SLC36A1: variants seen among roughly 807,000 people sequenced by gnomAD.
SLC36A1 encodes the protein solute carrier family 36 member 1, also known as proton-coupled amino acid transporter 1.
A neutral mutation model predicts 47.5 loss-of-function variants in SLC36A1; 30 were observed. That is an observed-to-expected ratio of 0.63 (90% CI 0.47 to 0.86). The LOEUF (loss-of-function observed/expected upper bound fraction) is 0.86. SLC36A1 is among the 40% of genes least tolerant of loss of function. SLC36A1 has a pLI of 0.00. For synonymous variants in SLC36A1, 255 were observed against 249.7 expected, an observed-to-expected ratio of 1.02 and a Z score of -0.20; for missense variants, 517 against 606.0, an observed-to-expected ratio of 0.85 and a Z score of 1.54.
chr5:151,466,758 C>A, intron 5 of SLC36A1, among the ~76,000 whole-genome samples: 1 of 152,202 alleles, frequency 6.6e-6, no homozygotes, highest in South Asian at 2.1e-4. Flanking sequence ...AGAGAGGATG[C>A]TAAGGGGCTG....
chr5:151,398,966 C>G, the SLC36A1 span, among the ~76,000 whole-genome samples: 2 of 151,082 alleles, frequency 1.3e-5, no homozygotes, highest in African/African-American at 2.4e-5. Flanking sequence ...TGCTTTTTGC[C>G]AGTTCCCCAA....
chr5:151,534,606 C>A, the SLC36A1 span: 1 of 1,614,038 alleles, frequency 6.2e-7, no homozygotes, highest in Non-Finnish European at 8.5e-7. Flanking sequence ...CACATCCTTC[C>A]TTTCTCGGTC....
At chr5:151,427,215 T>A in the SLC36A1 span, among the ~76,000 whole-genome samples, 1 of 152,328 alleles carries the variant, frequency 6.6e-6, no homozygotes, top group Admixed American at 6.5e-5. Context: ...CAAGCTGAAA[T>A]GAATAATTGT....
intron 6 of SLC36A1, 39 bp from the exon 7 acceptor site, chr5:151,467,668 T>G: frequency 2.6e-6 from 4 of 1,542,354 alleles, no homozygotes; most frequent in Non-Finnish European, 3.6e-6. Context: ...CTCTGTTGTT[T>G]GAGAGGTGTT....
rs1439602791 is a variant in SLC36A1, at chr5:151,491,478, T to G, written c.*3224T>G. 1.3e-5 allele frequency: 2 copies of G among 151,536 alleles called. No homozygotes were observed. Among genetic ancestry groups the G allele is most frequent in the African/African-American group, 4.9e-5 (2 of 40,646 alleles). 9.4% of individuals were successfully genotyped at this position (151,536 alleles called of 1,614,324 possible). ...TCTTAAAGTGTTGATCTCAAACAAG[T>G]ACATTAGAAAAATCATGTTTCTTCT... On this transcript the variant is annotated 3_prime_UTR_variant, in exon 11 of 11. Transcript: ENST00000243389.
chr5:151,497,086 C>T (rs991301609), downstream of SLC36A1, among the ~76,000 whole-genome samples: 1 of 152,050 alleles, frequency 6.6e-6, no homozygotes, highest in Non-Finnish European at 1.5e-5. Context: ...TTCTTCTTTT[C>T]CAGTGTCTAT....
At chr5:151,436,798 T>C (rs1366201597), upstream of SLC36A1, among the ~76,000 whole-genome samples, 2 of 151,968 alleles carry the variant, frequency 1.3e-5, no homozygotes, top group African/African-American at 4.8e-5. Context: ...ACTCTCAGAG[T>C]TGCAAGATCT....
the SLC36A1 span, among the ~76,000 whole-genome samples, chr5:151,404,603 T>C: frequency 6.6e-6 from 1 of 152,242 alleles, no homozygotes; most frequent in Non-Finnish European, 1.5e-5. Flanking sequence ...GAGGCTGCTC[T>C]AGTGGTAACA....
chr5:151,350,153 G>A, the SLC36A1 span, among the ~76,000 whole-genome samples: 1 of 148,000 alleles, frequency 6.8e-6, no homozygotes. Flanking sequence ...CCCGGCCCCG[G>A]GTACCTCCTC....
In SLC36A1 at chr5:151,489,836, A is replaced by G. The variant is rs971809499; in HGVS notation, c.*1582A>G. 1.3e-5 allele frequency: 2 copies of G among 152,170 alleles called. No homozygotes were observed. Among genetic ancestry groups the G allele is most frequent in the Non-Finnish European group, 2.9e-5 (2 of 68,054 alleles). The allele number at this position is 152,170 out of a possible 1,614,324, so 9.4% of individuals were successfully genotyped here. A position where few individuals can be genotyped will look rare whatever the true frequency, so the allele number is the denominator to read the frequency against. Reference sequence around the variant, plus strand: ...GTGTGTGTGTTCCTGTGTAAGTAACAGACCAGACTCCTTTTCTCTTCTGTC... The same window carrying G: ...GTGTGTGTGTTCCTGTGTAAGTAACGGACCAGACTCCTTTTCTCTTCTGTC... On this transcript the variant is annotated 3_prime_UTR_variant, in exon 11 of 11. Transcript: ENST00000243389. This position sits in a 1 kb window ranked among gnomAD's most constrained non-coding sequence, Gnocchi z 4.5.
At chr5:151,472,613 T>C (rs1757476257) in intron 7 of SLC36A1, among the ~76,000 whole-genome samples, 1 of 152,204 alleles carries the variant, frequency 6.6e-6, no homozygotes, top group Non-Finnish European at 1.5e-5. Context: ...GTTCCAGCAC[T>C]CCTGTTGTGT....
chr5:151,496,903 T>A (rs1018588387), downstream of SLC36A1, among the ~76,000 whole-genome samples: 1 of 152,238 alleles, frequency 6.6e-6, no homozygotes, highest in Non-Finnish European at 1.5e-5. Flanking sequence ...TGGTATTTTT[T>A]ATTCCAGTTT....
intron 1 of SLC36A1, among the ~76,000 whole-genome samples, chr5:151,452,980 C>G (rs529658928): frequency 1.3e-5 from 2 of 150,618 alleles, no homozygotes; most frequent in African/African-American, 4.9e-5. Flanking sequence ...GGTGGGTGGA[C>G]CACCTGAGGT....
chr5:151,407,405 A>G, the SLC36A1 span, among the ~76,000 whole-genome samples: 1 of 151,942 alleles, frequency 6.6e-6, no homozygotes, highest in Non-Finnish European at 1.5e-5. Flanking sequence ...AGCTAGACAC[A>G]GAGCACTGAT....
the SLC36A1 span, chr5:151,507,218 A>G: frequency 6.2e-7 from 1 of 1,613,102 alleles, no homozygotes; most frequent in African/African-American, 1.3e-5. Context: ...AAGGGACCGC[A>G]GCTGGCGGGA....
the SLC36A1 span, among the ~76,000 whole-genome samples, chr5:151,351,851 T>C: frequency 2.2e-3 from 341 of 152,018 alleles, no homozygotes; most frequent in African/African-American, 7.8e-3. Flanking sequence ...TTCCTCACAA[T>C]AGCAAATGAT....
chr5:151,505,230 C>T, the SLC36A1 span: 1 of 414,726 alleles, frequency 2.4e-6, no homozygotes, highest in Non-Finnish European at 4.4e-6. Context: ...GTCAATCAGG[C>T]TCTGCCCCGG....
chr5:151,385,009 AGTGT>A, the SLC36A1 span, among the ~76,000 whole-genome samples: 304 of 128,520 alleles, frequency 2.4e-3, 1 homozygote, highest in South Asian at 9.6e-3. Flanking sequence ...AGAGAGAGAG[AGTGT>A]GTGTGTGTGT....
chr5:151,449,682 G>C (rs1030796281), intron 1 of SLC36A1, among the ~76,000 whole-genome samples: 7 of 152,204 alleles, frequency 4.6e-5, no homozygotes, highest in African/African-American at 1.7e-4. Flanking sequence ...ATAAGGGAAG[G>C]GTGTTTGGTA....
Sources: gnomAD v4.1 joint callset for allele counts (sites outside exome capture counted in the v4.1 genomes callset) on GRCh38, gnomAD v4.1.1 for gene constraint, Gnocchi (gnomAD v3.1) non-coding constraint, MANE v1.5 for transcripts, NCBI Gene and HGNC (gene_info 2026-07-23, HGNC 2026-07-21) for gene names.